Variants in TENM3 observed in about 807,000 individuals in gnomAD.
TENM3 encodes teneurin transmembrane protein 3.
Under a neutral mutation model 255.1 loss-of-function variants are expected in TENM3, and 63 were observed. That is an observed-to-expected ratio of 0.25 (90% CI 0.20 to 0.30). The LOEUF is 0.30. Among genes scored for constraint, TENM3 ranks in the 10% least tolerant of loss-of-function variants. The pLI, the probability that TENM3 is intolerant of heterozygous loss-of-function variation, is 1.00. For synonymous variants in TENM3, 1,306 were observed against 1,322.3 expected, an observed-to-expected ratio of 0.99 and a Z score of 0.27; for missense variants, 2,929 against 3,461.1, an observed-to-expected ratio of 0.85 and a Z score of 3.86.
At chr4:181,789,277 A>G in the TENM3 span, among the ~76,000 whole-genome samples, 10 of 136,110 alleles carry the variant, frequency 7.3e-5, no homozygotes, top group Non-Finnish European at 1.5e-4. Context: ...TTTTTTTGAG[A>G]TGGAGTCTTA....
intron 16 of TENM3, among the ~76,000 whole-genome samples, chr4:182,733,781 T>A (rs1760958386): frequency 2.6e-5 from 4 of 152,222 alleles, no homozygotes; most frequent in Admixed American, 2.6e-4. Context: ...AAGTTCATTG[T>A]AACCTCAATC....
chr4:182,025,219 G>A, the TENM3 span, among the ~76,000 whole-genome samples: 335 of 152,068 alleles, frequency 2.2e-3, no homozygotes, highest in Non-Finnish European at 3.6e-3. Flanking sequence ...TAGTAGAGAT[G>A]GGGTTTCACT....
At chr4:181,591,169 C>A in the TENM3 span, among the ~76,000 whole-genome samples, 1 of 152,284 alleles carries the variant, frequency 6.6e-6, no homozygotes, top group South Asian at 2.1e-4. Flanking sequence ...ACCAATACTA[C>A]AATGCTTCCT....
the TENM3 span, among the ~76,000 whole-genome samples, chr4:181,713,819 G>C: frequency 6.6e-6 from 1 of 151,926 alleles, no homozygotes; most frequent in Non-Finnish European, 1.5e-5. Flanking sequence ...GCCATTTTTT[G>C]TATTATCCTA....
the TENM3 span, among the ~76,000 whole-genome samples, chr4:182,116,512 T>A: frequency 1.6e-4 from 24 of 152,056 alleles, no homozygotes; most frequent in African/African-American, 3.4e-4. Flanking sequence ...ATGACATGGT[T>A]TTATAAGTGT....
At chr4:182,511,501 T>TA (rs913992790) in intron 3 of TENM3, among the ~76,000 whole-genome samples, 4 of 152,202 alleles carry the variant, frequency 2.6e-5, no homozygotes, top group African/African-American at 9.6e-5. Context: ...CTGCTTCAAC[T>TA]AAAAAGATGA....
At chr4:181,673,534 A>G in the TENM3 span, among the ~76,000 whole-genome samples, 1 of 152,130 alleles carries the variant, frequency 6.6e-6, no homozygotes, top group African/African-American at 2.4e-5. Flanking sequence ...ATAACATGAT[A>G]TCCAGAGCTC....
chr4:182,088,678 C>T, the TENM3 span, among the ~76,000 whole-genome samples: 4,683 of 151,886 alleles, frequency 0.031, 238 homozygotes, highest in African/African-American at 0.11. Flanking sequence ...ACTAAAAATA[C>T]AAAAAATTCA....
chr4:181,828,192 G>A, the TENM3 span, among the ~76,000 whole-genome samples: 52 of 152,276 alleles, frequency 3.4e-4, no homozygotes, highest in Admixed American at 1.0e-3. Flanking sequence ...CCCCTGCCAC[G>A]TGTGGGCTTT....
At chr4:181,804,263 A>G in the TENM3 span, among the ~76,000 whole-genome samples, 37,070 of 150,728 alleles carry the variant, frequency 0.25, 5,022 homozygotes, top group South Asian at 0.36. Context: ...GAATTAATTG[A>G]CAAATAATAC....
chr4:181,593,605 A>AT, the TENM3 span, among the ~76,000 whole-genome samples: 2 of 152,222 alleles, frequency 1.3e-5, no homozygotes, highest in Non-Finnish European at 2.9e-5. Context: ...CATCACAAAA[A>AT]TTTTTTGTTA....
At chr4:181,822,479 C>T in the TENM3 span, among the ~76,000 whole-genome samples, 4 of 152,288 alleles carry the variant, frequency 2.6e-5, no homozygotes, top group South Asian at 4.1e-4. Flanking sequence ...GTAATCCCTA[C>T]ATTTTTGTAA....
chr4:181,661,820 C>A, the TENM3 span, among the ~76,000 whole-genome samples: 9 of 151,658 alleles, frequency 5.9e-5, no homozygotes, highest in African/African-American at 1.5e-4. Flanking sequence ...TTCCCTCTTT[C>A]TTCTGCCATT....
At chr4:181,924,025 GT>G in the TENM3 span, among the ~76,000 whole-genome samples, 1 of 152,086 alleles carries the variant, frequency 6.6e-6, no homozygotes, top group African/African-American at 2.4e-5. Flanking sequence ...GTCTTACTGG[GT>G]TTATCAAGAA....
the TENM3 span, among the ~76,000 whole-genome samples, chr4:181,510,324 G>T: frequency 6.6e-6 from 1 of 152,080 alleles, no homozygotes; most frequent in Non-Finnish European, 1.5e-5. Context: ...AAAAAAAAAT[G>T]TGAGGTCCAG....
Position 182,445,465 on chromosome 4 carries a change from T to C in TENM3, c.511+98536T>C, listed in dbSNP as rs113827268. On this transcript the variant is annotated intron_variant, in intron 3 of 27. Transcript: ENST00000511685. ...CAATGTGGATTTGGTACTTAATAAT[T>C]AGCGGGAAAGGTAATAATCTCAGTG... 2.5e-3 allele frequency among the ~76,000 whole-genome samples: 378 copies of C among 152,308 alleles called. 1 individual carries two copies. The highest frequency in any genetic ancestry group is 8.6e-3 in the African/African-American group (357 of 41,566).
At chr4:182,374,907 C>T (rs1182246476) in intron 3 of TENM3, among the ~76,000 whole-genome samples, 4 of 152,136 alleles carry the variant, frequency 2.6e-5, no homozygotes, top group Non-Finnish European at 5.9e-5. Flanking sequence ...TCTTATTTTT[C>T]CATTCTTTCC....
At chr4:182,316,002 C>G (rs1008325958) in intron 1 of TENM3, among the ~76,000 whole-genome samples, 64 of 152,060 alleles carry the variant, frequency 4.2e-4, no homozygotes, top group Non-Finnish European at 8.1e-4. Context: ...TTATTATAAC[C>G]ATTTTCATGT....
At chr4:182,581,688 G>C (rs1335480309) in intron 3 of TENM3, among the ~76,000 whole-genome samples, 1 of 152,066 alleles carries the variant, frequency 6.6e-6, no homozygotes, top group Non-Finnish European at 1.5e-5. Context: ...AGTGAGCCAA[G>C]ATTGCGCCAT....
Sources: allele counts gnomAD v4.1 joint callset (sites outside exome capture counted in the v4.1 genomes callset), GRCh38; gene constraint gnomAD v4.1.1; transcripts MANE v1.5; gene names NCBI Gene and HGNC (gene_info 2026-07-23, HGNC 2026-07-21).